Variants in SUCLG2 observed in about 807,000 individuals in gnomAD.
SUCLG2 encodes succinate--CoA ligase [GDP-forming] subunit beta, mitochondrial.
Under a neutral mutation model 47.9 loss-of-function variants are expected in SUCLG2, and 42 were observed. The observed-to-expected ratio is 0.88, with a 90% CI of 0.69 to 1.14. SUCLG2 has a LOEUF of 1.14. SUCLG2 is among the 50% of genes most tolerant of loss of function. The pLI is 0.00. For synonymous variants in SUCLG2, 195 were observed against 197.3 expected (o/e 0.99, Z 0.10); for missense variants, 571 against 525.9 (o/e 1.09, Z -0.84).
At chr3:67,479,423 T>C (rs932690935) in intron 9 of SUCLG2, among the ~76,000 whole-genome samples, 2 of 152,252 alleles carry the variant, frequency 1.3e-5, no homozygotes, top group Admixed American at 6.5e-5. Context: ...ATCAATTTTC[T>C]TGACCAAACA....
At chr3:67,470,139 A>G (rs1316113564) in intron 9 of SUCLG2, among the ~76,000 whole-genome samples, 1 of 152,198 alleles carries the variant, frequency 6.6e-6, no homozygotes, top group African/African-American at 2.4e-5. Flanking sequence ...TGGTCTATAC[A>G]TAAATCTGAT....
intron 1 of SUCLG2, among the ~76,000 whole-genome samples, chr3:67,622,074 G>C (rs904590858): frequency 2.0e-5 from 3 of 151,980 alleles, no homozygotes; most frequent in South Asian, 2.1e-4. Flanking sequence ...AGAACACAAG[G>C]CCTCCCTTGA....
chr3:67,592,065 A>G (rs1192056154), intron 2 of SUCLG2, among the ~76,000 whole-genome samples: 1 of 152,236 alleles, frequency 6.6e-6, no homozygotes, highest in Non-Finnish European at 1.5e-5. Flanking sequence ...CTCAGCAACA[A>G]TCTGATTCAA....
At chr3:67,367,972 C>A (rs9832987) in intron 10 of SUCLG2, among the ~76,000 whole-genome samples, 143,610 of 152,248 alleles carry the variant, frequency 0.94, 67,928 homozygotes, top group East Asian at 1. Context: ...TTCACAAAAA[C>A]GTATATGTTT....
chr3:67,519,581 C>T (rs185042804), intron 5 of SUCLG2, among the ~76,000 whole-genome samples: 1 of 152,004 alleles, frequency 6.6e-6, no homozygotes, highest in Non-Finnish European at 1.5e-5. Flanking sequence ...GTTGAGGATG[C>T]TAAGTGGGTG....
At chr3:67,638,832 C>T (rs1378951701) in intron 1 of SUCLG2, among the ~76,000 whole-genome samples, 1 of 152,108 alleles carries the variant, frequency 6.6e-6, no homozygotes, top group Admixed American at 6.5e-5. Flanking sequence ...GCAGCTTAGC[C>T]AATAATGGAG....
chr3:67,361,413 T>C (rs1189774033), intron 10 of SUCLG2, among the ~76,000 whole-genome samples: 1 of 152,186 alleles, frequency 6.6e-6, no homozygotes, highest in Non-Finnish European at 1.5e-5. Context: ...CTGTGAATCA[T>C]GAGCACACCA....
At chr3:67,381,679 G>C (rs371084034) in intron 10 of SUCLG2, among the ~76,000 whole-genome samples, 53 of 152,220 alleles carry the variant, frequency 3.5e-4, no homozygotes, top group African/African-American at 1.2e-3. Flanking sequence ...CTTAATATCT[G>C]CTTGTTGAGA....
At chr3:67,442,053 C>T (rs1351830425) in intron 9 of SUCLG2, among the ~76,000 whole-genome samples, 4 of 149,296 alleles carry the variant, frequency 2.7e-5, no homozygotes, top group African/African-American at 4.9e-5. Context: ...CTCTGTCGCC[C>T]AGGCTGGAGT....
intron 2 of SUCLG2, among the ~76,000 whole-genome samples, chr3:67,589,591 C>A (rs934860459): frequency 6.6e-6 from 1 of 152,232 alleles, no homozygotes; most frequent in Admixed American, 6.5e-5. Context: ...GCCTATATAT[C>A]CCCTGCCATG....
chr3:67,619,530 A>G (rs1351989292), intron 1 of SUCLG2, among the ~76,000 whole-genome samples: 1 of 152,188 alleles, frequency 6.6e-6, no homozygotes, highest in Non-Finnish European at 1.5e-5. Context: ...TATAGATTTC[A>G]CTGCAGGAAG....
At chr3:67,609,226 C>A (rs1189809817) in intron 2 of SUCLG2, among the ~76,000 whole-genome samples, 2 of 152,230 alleles carry the variant, frequency 1.3e-5, no homozygotes, top group Non-Finnish European at 2.9e-5. Context: ...GGACAAAGCT[C>A]TGAAAGCAGA....
chr3:67,540,042 G>C (rs969699853), intron 2 of SUCLG2, among the ~76,000 whole-genome samples: 1 of 150,688 alleles, frequency 6.6e-6, no homozygotes. Context: ...AGGGCTTTTC[G>C]TGTCTCCATC....
intron 9 of SUCLG2, among the ~76,000 whole-genome samples, chr3:67,461,520 G>C (rs1434175437): frequency 1.3e-5 from 2 of 151,812 alleles, no homozygotes; most frequent in Non-Finnish European, 2.9e-5. Flanking sequence ...TGGGAAAACA[G>C]AGATCAATCA....
intron 10 of SUCLG2, among the ~76,000 whole-genome samples, chr3:67,367,067 A>G (rs1381619039): frequency 6.6e-6 from 1 of 152,232 alleles, no homozygotes; most frequent in Non-Finnish European, 1.5e-5. Flanking sequence ...ATTAAGTTCT[A>G]TATATTGAAC....
intron 2 of SUCLG2, among the ~76,000 whole-genome samples, chr3:67,590,493 G>C (rs891848860): frequency 6.6e-6 from 1 of 152,120 alleles, no homozygotes; most frequent in Non-Finnish European, 1.5e-5. Flanking sequence ...CCTTGCAGAC[G>C]TGAGTGAGTT....
chr3:67,613,499 C>G (rs1032263196), intron 1 of SUCLG2, among the ~76,000 whole-genome samples: 11 of 152,188 alleles, frequency 7.2e-5, no homozygotes, highest in African/African-American at 2.7e-4. Context: ...TGCCATCCCT[C>G]CTACCCCATC....
At chr3:67,402,979 A>T (rs953057949) in intron 9 of SUCLG2, among the ~76,000 whole-genome samples, 1 of 152,198 alleles carries the variant, frequency 6.6e-6, no homozygotes, top group Non-Finnish European at 1.5e-5. Context: ...CTGTGATTCA[A>T]TTCTACTTAG....
At chr3:67,425,220 T>A (rs1394030208) in intron 9 of SUCLG2, among the ~76,000 whole-genome samples, 3 of 152,234 alleles carry the variant, frequency 2.0e-5, no homozygotes, top group Non-Finnish European at 4.4e-5. Flanking sequence ...GTACTTAGCA[T>A]CATTTTAGGC....
Sources: allele counts gnomAD v4.1 joint callset (sites outside exome capture counted in the v4.1 genomes callset), GRCh38; gene constraint gnomAD v4.1.1; transcripts MANE v1.5; gene names NCBI Gene and HGNC (gene_info 2026-07-23, HGNC 2026-07-21).